Variants in UTY observed in about 807,000 individuals in gnomAD.
UTY encodes the protein histone demethylase UTY.
In UTY, 12 loss-of-function variants were observed where a neutral mutation model predicts 32.5. That is an observed-to-expected ratio of 0.37 (90% confidence interval 0.24 to 0.60). UTY has a LOEUF of 0.60. Among genes scored for constraint, UTY ranks in the 20% least tolerant of loss-of-function variants. The pLI is 0.69. For missense variants in UTY, 303 were observed against 299.2 expected (o/e 1.01, Z -0.09); for synonymous variants, 131 against 103.4 (o/e 1.27, Z -1.62).
At chrY:13,338,448 T>C (rs2061270845) in intron 17 of UTY, among the ~76,000 whole-genome samples, 1 of 27,714 alleles carries the variant, frequency 3.6e-5, no homozygotes, top group East Asian at 9.7e-4. Flanking sequence ...GAGACAGAGG[T>C]TGCAGTGAGA....
intron 6 of UTY, among the ~76,000 whole-genome samples, chrY:13,403,224 A>G: frequency 3.0e-5 from 1 of 32,787 alleles, no homozygotes; most frequent in Admixed American, 2.7e-4. Context: ...TGGGCAAGCT[A>G]ATATATACAG....
chrY:13,239,473 G>T, intron 28 of UTY, among the ~76,000 whole-genome samples: 2 of 33,077 alleles, frequency 6.0e-5, no homozygotes, highest in African/African-American at 2.4e-4. Context: ...AGATACAGGA[G>T]ATCCCACGAT....
Position 13,355,380 on chromosome Y carries a change from C to G in UTY, c.1684G>C (p.Ala562Pro). 2 of 396,701 alleles carry G rather than the reference C, an allele frequency of 5.0e-6. No homozygotes were observed. Among genetic ancestry groups the G allele is most frequent in the African/African-American group, 1.3e-4 (2 of 15,628 alleles). Residue 562 changes from alanine (A) to proline (P), a missense_variant, in exon 17 of 30, where the codon GCT becomes CCT. Transcript: ENST00000545955. ...TGAATTCCAGTAGTTCGTACCTGAG[C>G]AACTTCTTTGTGTCTCATCTTCAAA... The part of the protein sequence containing the change: ...LMQQMRHKEV[A>P]QVRTTGIHNG...
At position 13,479,578 on chromosome Y, in the gene UTY, C is replaced by G. The variant is rs768847573; in HGVS notation, c.88G>C (p.Glu30Gln). Reference protein sequence around the residue: ...KKMAEGKASRESEEESVSLTV... With the variant: ...KKMAEGKASRQSEEESVSLTV... ...AGGCTAACAGACTCCTCTTCACTCT[C>G]GCGGCTCGCTTTTCCTTCCGCCATT... is the stretch of plus-strand genomic sequence containing the variant. Residue 30 changes from glutamate to glutamine, a missense_variant, in exon 1 of 30, where the codon GAG (glutamate) becomes CAG (glutamine). Transcript: ENST00000545955. 1 of 396,592 alleles carries G rather than the reference C, an allele frequency of 2.5e-6. No individual in the cohort carries two copies. Among genetic ancestry groups the G allele is most frequent in the South Asian group, 3.0e-5 (1 of 33,548 alleles).
chrY:13,306,913 AAG>A (rs2058730845), intron 21 of UTY, among the ~76,000 whole-genome samples: 1 of 33,423 alleles, frequency 3.0e-5, no homozygotes, highest in Middle Eastern at 0.013. Flanking sequence ...TTTTATGAGA[AAG>A]AATCTGTAGA....
intron 27 of UTY, among the ~76,000 whole-genome samples, chrY:13,292,557 T>C (rs2057826258): frequency 3.2e-5 from 1 of 31,536 alleles, no homozygotes; most frequent in Non-Finnish European, 7.6e-5. Context: ...AAAAACTAGA[T>C]AATCCAGAAG....
chrY:13,294,819 A>C (rs1603330148), intron 27 of UTY, among the ~76,000 whole-genome samples: 1 of 33,625 alleles, frequency 3.0e-5, no homozygotes, highest in East Asian at 7.8e-4. Context: ...GCACTTTGGG[A>C]GGCCGAGGCA....
At chrY:13,271,371 A>G (rs2056288782) in intron 27 of UTY, among the ~76,000 whole-genome samples, 1 of 33,563 alleles carries the variant, frequency 3.0e-5, no homozygotes, top group African/African-American at 1.2e-4. Context: ...AAATGTAACA[A>G]TGAGGGGCTT....
intron 27 of UTY, among the ~76,000 whole-genome samples, chrY:13,288,738 A>G: frequency 3.0e-5 from 1 of 33,424 alleles, no homozygotes; most frequent in Non-Finnish European, 7.4e-5. Context: ...AGAAATTATT[A>G]CTAATAAAAC....
chrY:13,460,949 C>A, intron 3 of UTY, among the ~76,000 whole-genome samples: 1 of 32,525 alleles, frequency 3.1e-5, no homozygotes, highest in Non-Finnish European at 7.5e-5. Flanking sequence ...ATGTTGTACA[C>A]GAGAAAGATA....
chrY:13,289,557 T>G, intron 27 of UTY, among the ~76,000 whole-genome samples: 1 of 33,949 alleles, frequency 2.9e-5, no homozygotes, highest in Non-Finnish European at 7.3e-5. Flanking sequence ...AACCCTTTCA[T>G]GTGAAATCCT....
At chrY:13,235,865 A>G (rs2053847480) in intron 28 of UTY, among the ~76,000 whole-genome samples, 1 of 33,422 alleles carries the variant, frequency 3.0e-5, no homozygotes, top group Non-Finnish European at 7.4e-5. Context: ...CTGCAGGCTC[A>G]AGGAAGCCTA....
chrY:13,414,786 G>A lies in UTY; in HGVS notation c.383C>T (p.Ala128Val). 5.2e-6 allele frequency: 2 copies of A among 383,122 alleles called. No homozygotes were observed. Among genetic ancestry groups the A allele is most frequent in the Non-Finnish European group, 7.3e-6 (2 of 275,031 alleles). The change falls in exon 5 of 30, where the codon GCG (alanine) becomes GTG (valine). Residue 128 changes from alanine to valine, a missense_variant. By Grantham distance (64) the Ala-to-Val change is moderately conservative (BLOSUM62 0). Transcript: ENST00000545955. ...GACCAAACCAAGGCCATATAAAAAC[G>A]CAGCATTCTGTTAATATAAAACACA... ...SLQADYWKNA[A>V]FLYGLGLVYF... is the part of the protein sequence containing the mutation.
intron 17 of UTY, chrY:13,354,764 T>C: frequency 4.0e-6 from 1 of 253,108 alleles, no homozygotes; most frequent in Non-Finnish European, 6.0e-6. Context: ...ATTAGTGTGA[T>C]TGGCTTTATT....
At chrY:13,412,791 G>C (rs2071131778) in intron 5 of UTY, among the ~76,000 whole-genome samples, 1 of 33,587 alleles carries the variant, frequency 3.0e-5, no homozygotes, top group Non-Finnish European at 7.4e-5. Context: ...TATAAATACT[G>C]ATTAAAATAA....
At chrY:13,399,059 T>C (rs2068628610) in intron 6 of UTY, among the ~76,000 whole-genome samples, 2 of 32,290 alleles carry the variant, frequency 6.2e-5, no homozygotes, top group African/African-American at 1.2e-4. Flanking sequence ...ATTAAGAAAA[T>C]GTGGTTTAAC....
intron 2 of UTY, among the ~76,000 whole-genome samples, chrY:13,472,196 T>C (rs2078561911): frequency 3.1e-5 from 1 of 31,785 alleles, no homozygotes; most frequent in Non-Finnish European, 7.6e-5. Flanking sequence ...GCTGTCATCA[T>C]GCCACTGCAC....
chrY:13,309,123 T>C, intron 21 of UTY, among the ~76,000 whole-genome samples: 1 of 33,482 alleles, frequency 3.0e-5, no homozygotes, highest in East Asian at 7.8e-4. Context: ...TGCACACCTA[T>C]GAGGTACGCT....
intron 3 of UTY, among the ~76,000 whole-genome samples, chrY:13,460,984 ATAATTT>A (rs2077307104): frequency 1.5e-4 from 5 of 33,045 alleles, no homozygotes; most frequent in African/African-American, 4.7e-4. Flanking sequence ...CATTTTACAA[ATAATTT>A]TTTAAAGGGG....
Sources: gnomAD v4.1 joint callset for allele counts (sites outside exome capture counted in the v4.1 genomes callset) on GRCh38, gnomAD v4.1.1 for gene constraint, MANE v1.5 for transcripts, NCBI Gene and HGNC (gene_info 2026-07-23, HGNC 2026-07-21) for gene names.